The following CPEB3 variants were observed in gnomAD, a reference collection of about 807,000 sequenced individuals.
CPEB3 encodes the protein cytoplasmic polyadenylation element binding protein 3.
A neutral mutation model predicts 67.2 loss-of-function variants in CPEB3; 20 were observed. The ratio of observed to expected loss-of-function variants is 0.30; its 90% CI spans 0.21 to 0.43. CPEB3 has a LOEUF of 0.43. Among genes scored for constraint, CPEB3 ranks in the 20% least tolerant of loss-of-function variants. The pLI, the probability that CPEB3 is intolerant of heterozygous loss-of-function variation, is 1.00. For missense variants in CPEB3, 746 were observed against 968.6 expected, an observed-to-expected ratio of 0.77 and a Z score of 3.05; for synonymous variants, 376 against 393.1, an observed-to-expected ratio of 0.96 and a Z score of 0.51.
chr10:92,082,651 T>G (rs1369651544), intron 8 of CPEB3, among the ~76,000 whole-genome samples: 2 of 152,190 alleles, frequency 1.3e-5, no homozygotes, highest in African/African-American at 4.8e-5. Flanking sequence ...AGCACTTACC[T>G]GCATACCAGA....
At chr10:92,187,916 C>T (rs1010925300) in intron 3 of CPEB3, among the ~76,000 whole-genome samples, 3 of 152,138 alleles carry the variant, frequency 2.0e-5, no homozygotes, top group African/African-American at 7.2e-5. Context: ...AGAAACAGGG[C>T]CAGGGCCAGT....
chr10:92,165,148 A>T lies in CPEB3; in HGVS notation c.1222+15815T>A, dbSNP rs545783334. Reference sequence around the variant, plus strand: ...AAAAACAATATATATAACTTAATTTAAAAAATACTTTATTGTTGCCTAGCA... The same window carrying T: ...AAAAACAATATATATAACTTAATTTTAAAAATACTTTATTGTTGCCTAGCA... On this transcript the variant is annotated intron_variant, in intron 4 of 9. Transcript: ENST00000265997. Among the ~76,000 whole-genome samples the T allele has an allele frequency of 2.6e-5, 4 of 152,170 alleles. No homozygotes were observed. In the East Asian group the frequency reaches 7.7e-4, roughly 29 times the overall value.
chr10:92,081,260 A>C, intron 9 of CPEB3, 60 bp downstream of exon 9: 1 of 1,588,836 alleles, frequency 6.3e-7, no homozygotes, highest in South Asian at 1.1e-5. Flanking sequence ...TCTTCCCAGG[A>C]AACTACAGAA....
At chr10:92,137,401 G>C in intron 6 of CPEB3, 1 of 1,112,396 alleles carries the variant, frequency 9.0e-7, no homozygotes, top group South Asian at 1.6e-5. Flanking sequence ...ACTGGACGAA[G>C]CTGATGAAAT....
In CPEB3 at chr10:92,049,335, A is replaced by G. The variant is rs1282905387; in HGVS notation, c.*2877T>C. 1.3e-5 allele frequency: 2 copies of G among 152,606 alleles called. No individual in the cohort carries two copies. Among genetic ancestry groups the G allele is most frequent in the African/African-American group, 4.8e-5 (2 of 41,446 alleles). 9.5% of individuals were successfully genotyped at this position (152,606 alleles called of 1,614,324 possible). ...CTAGTTCAAGTGTCACACCAAGGAAAGGCCACAGCAGGACCTGTGTTACCC... is the reference window on the plus strand; with the variant it reads ...CTAGTTCAAGTGTCACACCAAGGAAGGGCCACAGCAGGACCTGTGTTACCC... On this transcript the variant is annotated 3_prime_UTR_variant, in exon 10 of 10. Transcript: ENST00000265997.
intron 9 of CPEB3, among the ~76,000 whole-genome samples, chr10:92,072,485 C>G (rs1842786827): frequency 6.6e-6 from 1 of 152,172 alleles, no homozygotes; most frequent in South Asian, 2.1e-4. Flanking sequence ...CTTCCCAGAG[C>G]ATTTCTTCAA....
chr10:92,173,061 G>A (rs922310253), intron 4 of CPEB3, among the ~76,000 whole-genome samples: 2 of 152,094 alleles, frequency 1.3e-5, no homozygotes, highest in East Asian at 1.9e-4. Context: ...TATTGAGTGC[G>A]TATTCAACAG....
At chr10:92,168,293 C>T (rs117757158) in intron 4 of CPEB3, among the ~76,000 whole-genome samples, 9,292 of 152,278 alleles carry the variant, frequency 0.061, 396 homozygotes, top group Middle Eastern at 0.12. Context: ...CTACAGGTAT[C>T]TTAAGCAAAA....
intron 6 of CPEB3, among the ~76,000 whole-genome samples, chr10:92,142,746 AT>A (rs749003499): frequency 1.8e-4 from 28 of 152,188 alleles, no homozygotes; most frequent in Non-Finnish European, 3.7e-4. Flanking sequence ...AAAACCCTAG[AT>A]CTTTCCTTTC....
At chr10:92,145,307 T>C (rs1183297716) in intron 4 of CPEB3, among the ~76,000 whole-genome samples, 1 of 152,142 alleles carries the variant, frequency 6.6e-6, no homozygotes, top group Non-Finnish European at 1.5e-5. Context: ...GGCACAGCCT[T>C]GGGATGACCA....
intron 1 of CPEB3, among the ~76,000 whole-genome samples, chr10:92,249,377 CA>C (rs59237572): frequency 0.48 from 58,458 of 120,534 alleles, 11,604 homozygotes; most frequent in Middle Eastern, 0.6. Context: ...GACTCCGTCT[CA>C]AAAAAAAAAA....
At chr10:92,165,870 T>C (rs992504920) in intron 4 of CPEB3, among the ~76,000 whole-genome samples, 1 of 152,192 alleles carries the variant, frequency 6.6e-6, no homozygotes, top group African/African-American at 2.4e-5. Flanking sequence ...CTATTTACAC[T>C]GTATCTGCAG....
chr10:92,226,354 CAT>C (rs1429386252), intron 2 of CPEB3, among the ~76,000 whole-genome samples: 1 of 152,198 alleles, frequency 6.6e-6, no homozygotes, highest in Non-Finnish European at 1.5e-5. Context: ...TATTTTAATA[CAT>C]GTTTGTCAAG....
chr10:92,075,126 G>A (rs1326063293), intron 9 of CPEB3, among the ~76,000 whole-genome samples: 4 of 152,174 alleles, frequency 2.6e-5, no homozygotes, highest in African/African-American at 9.7e-5. Flanking sequence ...GGCTGGACAT[G>A]CCACAGCAAA....
chr10:92,126,099 T>C (rs1208846972), intron 6 of CPEB3, among the ~76,000 whole-genome samples: 1 of 152,150 alleles, frequency 6.6e-6, no homozygotes, highest in Non-Finnish European at 1.5e-5. Context: ...AGCTAGGTGT[T>C]AAAAAATGAA....
intron 6 of CPEB3, chr10:92,119,056 C>T: frequency 6.4e-7 from 1 of 1,566,466 alleles, no homozygotes; most frequent in Non-Finnish European, 8.8e-7. Flanking sequence ...GGGTCTGACA[C>T]TTGATGTGAG....
intron 3 of CPEB3, among the ~76,000 whole-genome samples, chr10:92,184,542 T>C (rs1044527799): frequency 1.3e-5 from 2 of 151,896 alleles, no homozygotes; most frequent in Non-Finnish European, 2.9e-5. Flanking sequence ...GAGGTGGAGG[T>C]TGCAGTGAGC....
At chr10:92,184,706 T>C (rs1470662483) in intron 3 of CPEB3, among the ~76,000 whole-genome samples, 2 of 152,178 alleles carry the variant, frequency 1.3e-5, no homozygotes, top group African/African-American at 4.8e-5. Flanking sequence ...AATAATGTAA[T>C]TTTTTAAAGT....
intron 2 of CPEB3, among the ~76,000 whole-genome samples, chr10:92,230,792 T>C (rs1373807102): frequency 6.6e-6 from 1 of 152,212 alleles, no homozygotes; most frequent in Non-Finnish European, 1.5e-5. Flanking sequence ...AGCTGGTTTC[T>C]ACTGCAAGTA....
Sources: gnomAD v4.1 joint callset for allele counts (sites outside exome capture counted in the v4.1 genomes callset) on GRCh38, gnomAD v4.1.1 for gene constraint, MANE v1.5 for transcripts, NCBI Gene and HGNC (gene_info 2026-07-23, HGNC 2026-07-21) for gene names.